DPP6: variants seen among roughly 807,000 people sequenced by gnomAD.
The protein encoded by DPP6 is dipeptidyl peptidase like 6.
DPP6 carries 69 observed loss-of-function variants against 122.6 expected under a neutral mutation model. The observed-to-expected ratio is 0.56, with a 90% CI of 0.46 to 0.69. DPP6 has a LOEUF of 0.69. Among genes scored for constraint, DPP6 ranks in the 30% least tolerant of loss-of-function variants. The pLI is 0.00. For missense variants in DPP6, 928 were observed against 1,116.9 expected, an observed-to-expected ratio of 0.83 and a Z score of 2.41; for synonymous variants, 418 against 433.1, an observed-to-expected ratio of 0.97 and a Z score of 0.43.
chr7:154,024,230 T>C (rs1003716306), intron 1 of DPP6, among the ~76,000 whole-genome samples: 5 of 152,214 alleles, frequency 3.3e-5, no homozygotes, highest in Admixed American at 2.6e-4. Flanking sequence ...ATAGTATCAA[T>C]CCACAAATTA....
At chr7:154,353,225 C>T (rs1438598608) in intron 1 of DPP6, among the ~76,000 whole-genome samples, 1 of 152,216 alleles carries the variant, frequency 6.6e-6, no homozygotes, top group Non-Finnish European at 1.5e-5. Context: ...GATTTGCTTA[C>T]TATTCAGTGA....
chr7:154,338,729 C>G (rs1053293005), intron 1 of DPP6, among the ~76,000 whole-genome samples: 1 of 152,182 alleles, frequency 6.6e-6, no homozygotes, highest in South Asian at 2.1e-4. Context: ...AACAGAACCC[C>G]CATTGAATAG....
At chr7:154,147,862 A>ATT in intron 1 of DPP6, among the ~76,000 whole-genome samples, 1 of 150,548 alleles carries the variant, frequency 6.6e-6, no homozygotes, top group Non-Finnish European at 1.5e-5. Flanking sequence ...TCTGTATTTG[A>ATT]TTTTTTTTAC....
At chr7:154,482,812 G>A (rs1250968331) in intron 3 of DPP6, among the ~76,000 whole-genome samples, 1 of 152,184 alleles carries the variant, frequency 6.6e-6, no homozygotes, top group East Asian at 1.9e-4. Context: ...ATCAGCAGGA[G>A]GTGGTAGTGT....
intron 5 of DPP6, among the ~76,000 whole-genome samples, chr7:154,574,798 GTGTT>G (rs1244194974): frequency 1.0e-4 from 10 of 96,356 alleles, no homozygotes; most frequent in South Asian, 4.3e-4. Context: ...TGTGTGGTGT[GTGTT>G]TGTGTGTGTG....
At chr7:154,669,907 T>C (rs1393794771) in intron 7 of DPP6, among the ~76,000 whole-genome samples, 1 of 152,182 alleles carries the variant, frequency 6.6e-6, no homozygotes, top group Admixed American at 6.5e-5. Flanking sequence ...TTGCCCAGGC[T>C]GGGGTGCAGT....
At chr7:153,836,807 C>T in the DPP6 span, among the ~76,000 whole-genome samples, 1 of 152,216 alleles carries the variant, frequency 6.6e-6, no homozygotes, top group Non-Finnish European at 1.5e-5. Flanking sequence ...TAAACCAGGT[C>T]ATGAATTCCA....
intron 7 of DPP6, among the ~76,000 whole-genome samples, chr7:154,704,701 A>G (rs1563122686): frequency 1.3e-5 from 2 of 152,236 alleles, no homozygotes; most frequent in Non-Finnish European, 2.9e-5. Context: ...GCAACAAAAC[A>G]TTTTTAATAA....
At chr7:154,263,762 C>A (rs1442338888) in intron 1 of DPP6, among the ~76,000 whole-genome samples, 2 of 152,080 alleles carry the variant, frequency 1.3e-5, no homozygotes, top group Non-Finnish European at 2.9e-5. Flanking sequence ...ATCTCGGCTC[C>A]CTGCAAGCTC....
intron 8 of DPP6, among the ~76,000 whole-genome samples, chr7:154,751,183 A>G (rs1019831808): frequency 6.6e-6 from 1 of 152,166 alleles, no homozygotes; most frequent in Non-Finnish European, 1.5e-5. Flanking sequence ...GTCTGCTGTC[A>G]GCAGCTTTAA....
At chr7:154,617,456 G>A (rs552729983) in intron 5 of DPP6, among the ~76,000 whole-genome samples, 128 of 152,264 alleles carry the variant, frequency 8.4e-4, no homozygotes, top group Non-Finnish European at 9.7e-4. Context: ...CCGATTGTGC[G>A]AATAGGTCAT....
intron 1 of DPP6, among the ~76,000 whole-genome samples, chr7:154,382,837 T>C (rs1403347812): frequency 2.6e-5 from 4 of 152,230 alleles, no homozygotes; most frequent in Non-Finnish European, 4.4e-5. Flanking sequence ...GCGATTCTCC[T>C]GCCTCAGCCT....
chr7:154,384,556 C>T (rs762091191), intron 1 of DPP6, among the ~76,000 whole-genome samples: 2 of 152,026 alleles, frequency 1.3e-5, no homozygotes, highest in African/African-American at 2.4e-5. Context: ...GGTGAGATCT[C>T]GAAATCTGTC....
At chr7:154,230,883 A>G (rs1206310479) in intron 1 of DPP6, among the ~76,000 whole-genome samples, 1 of 152,270 alleles carries the variant, frequency 6.6e-6, no homozygotes, top group Admixed American at 6.5e-5. Flanking sequence ...ATAACATAAA[A>G]TCAGTCCAAA....
At chr7:153,841,078 C>T in the DPP6 span, among the ~76,000 whole-genome samples, 733 of 152,274 alleles carry the variant, frequency 4.8e-3, 7 homozygotes, top group African/African-American at 0.017. Flanking sequence ...CACCTGTCAG[C>T]GGCCTGCGGT....
chr7:154,138,093 C>T (rs1324768680), intron 1 of DPP6, among the ~76,000 whole-genome samples: 4 of 152,216 alleles, frequency 2.6e-5, no homozygotes, highest in Non-Finnish European at 5.9e-5. Flanking sequence ...TCCTCTGAAT[C>T]ATACCTCTTC....
At chr7:153,908,418 G>C (rs1799941105) in intron 1 of DPP6, among the ~76,000 whole-genome samples, 1 of 152,116 alleles carries the variant, frequency 6.6e-6, no homozygotes, top group African/African-American at 2.4e-5. Context: ...TCAGTGTCTG[G>C]TTATTTTAAT....
chr7:154,493,598 A>T (rs1457198256), intron 3 of DPP6, among the ~76,000 whole-genome samples: 2 of 152,232 alleles, frequency 1.3e-5, no homozygotes, highest in South Asian at 4.1e-4. Context: ...GATGATGGTC[A>T]TCTTACATAA....
At chr7:154,321,441 A>G (rs1408474492) in intron 1 of DPP6, among the ~76,000 whole-genome samples, 1 of 152,004 alleles carries the variant, frequency 6.6e-6, no homozygotes, top group East Asian at 1.9e-4. Context: ...GAGATTTTTC[A>G]CCCTGGTTCC....
Sources: allele counts gnomAD v4.1 joint callset (sites outside exome capture counted in the v4.1 genomes callset), GRCh38; gene constraint gnomAD v4.1.1; transcripts MANE v1.5; gene names NCBI Gene and HGNC (gene_info 2026-07-23, HGNC 2026-07-21).